CEACAM19: variants seen among roughly 807,000 people sequenced by gnomAD.
The protein encoded by CEACAM19 is CEA cell adhesion molecule 19.
In CEACAM19, 37 loss-of-function variants were observed where a neutral mutation model predicts 37.6. The observed-to-expected ratio is 0.98, with a 90% CI of 0.76 to 1.29. The LOEUF is 1.29. Among genes scored for constraint, CEACAM19 ranks in the 50% most tolerant of loss-of-function variants. The pLI is 0.00. For missense variants in CEACAM19, 340 were observed against 375.6 expected (o/e 0.91, Z 0.78); for synonymous variants, 140 against 149.8 (o/e 0.93, Z 0.48).
chr19:44,676,538 T>C, intron 3 of CEACAM19, 117 bp downstream of exon 3: 1 of 983,362 alleles, frequency 1.0e-6, no homozygotes, highest in South Asian at 1.5e-5. Context: ...ATCTTGGAAC[T>C]CCTGGGGTGA....
chr19:44,672,499 G>A (rs1973872753), intron 1 of CEACAM19, 97 bp from the exon 2 acceptor site: 1 of 1,285,096 alleles, frequency 7.8e-7, no homozygotes, highest in African/African-American at 1.5e-5. Context: ...AGCACTCAGA[G>A]TCCTTGCTCC....
At chr19:44,673,462 T>C (rs1973893314) in intron 2 of CEACAM19, among the ~76,000 whole-genome samples, 1 of 152,178 alleles carries the variant, frequency 6.6e-6, no homozygotes, top group South Asian at 2.1e-4. Context: ...ACTGATGTTT[T>C]GTATTGGCCA....
chr19:44,674,778 T>A (rs911336807), intron 2 of CEACAM19, among the ~76,000 whole-genome samples: 46 of 152,128 alleles, frequency 3.0e-4, no homozygotes, highest in Non-Finnish European at 5.6e-4. Context: ...TAGGCAAAAG[T>A]CAACTCAACA....
upstream of CEACAM19, among the ~76,000 whole-genome samples, chr19:44,668,964 C>T (rs1378513298): frequency 6.7e-6 from 1 of 148,842 alleles, no homozygotes; most frequent in Non-Finnish European, 1.5e-5. Flanking sequence ...GGATTACAGG[C>T]ATGCGCCACC....
At chr19:44,678,445 T>A (rs979574556) in intron 3 of CEACAM19, 1 of 156,846 alleles carries the variant, frequency 6.4e-6, no homozygotes, top group African/African-American at 2.4e-5. Context: ...TGTTTTGCTC[T>A]TGTCGCCCAG....
intron 1 of CEACAM19, 59 bp from the exon 2 acceptor site, chr19:44,672,537 G>A (rs530625977): frequency 2.9e-5 from 41 of 1,420,418 alleles, no homozygotes; most frequent in Non-Finnish European, 3.8e-5. Flanking sequence ...CTAGAGAGGA[G>A]CATGCCATGG....
At position 44,672,785 on chromosome 19, in the gene CEACAM19, C is replaced by T. The variant is rs1973879445; in HGVS notation, c.245C>T (p.Pro82Leu). The T allele has an allele frequency of 3.2e-6, 5 of 1,584,812 alleles. No individual in the cohort carries two copies. Among genetic ancestry groups the T allele is most frequent in the Non-Finnish European group, 4.3e-6 (5 of 1,164,948 alleles). Residue 82 changes from proline (P) to leucine (L), a missense_variant, in exon 2 of 8, where the codon CCT (proline) becomes CTT (leucine). Physicochemically the swap from Pro to Leu is moderately conservative, Grantham distance 98 (BLOSUM62 -3). Transcript: ENST00000358777. ...GGCACGAGGCTATTTACCTACATCC[C>T]TGGGATACAACGGCCTCAGAGGGAT... is the stretch of plus-strand genomic sequence containing the variant. ...YGGTRLFTYI[P>L]GIQRPQRDGS... is the part of the protein sequence containing the mutation.
intron 2 of CEACAM19, 64 bp downstream of exon 2, chr19:44,673,028 C>T: frequency 7.5e-7 from 1 of 1,339,688 alleles, no homozygotes. Flanking sequence ...TACCATGCAC[C>T]AGGTGCTGTG....
At position 44,682,617 on chromosome 19, in the gene CEACAM19, C is replaced by T. The variant is rs1368713787; in HGVS notation, c.843C>T (p.Tyr281=). ...HLQAEPENHQ[Y]QDLLNPDPAP... is the part of the protein sequence containing the mutation. ...AGGCGGAGCCAGAGAACCACCAGTA[C>T]CAGGTATGGAGCTGGGAGCTGGGAG... The change falls in exon 7 of 8, where the codon TAC becomes TAT. Residue 281 remains tyrosine (Y), a synonymous_variant. Coordinates refer to ENST00000358777, the MANE Select transcript of CEACAM19 (RefSeq NM_001127893.3). 1 of 1,602,880 alleles carries T rather than the reference C, an allele frequency of 6.2e-7. No homozygotes were observed. The highest frequency in any genetic ancestry group is 2.2e-5 in the East Asian group (1 of 44,458).
chr19:44,671,408 C>A (rs1973852587), upstream of CEACAM19: 1 of 367,220 alleles, frequency 2.7e-6, no homozygotes, highest in African/African-American at 2.1e-5. Context: ...GCGTGAGCCA[C>A]CGCACCCAGC....
chr19:44,668,635 CAT>C (rs1175150529), upstream of CEACAM19, among the ~76,000 whole-genome samples: 36 of 26,706 alleles, frequency 1.3e-3, no homozygotes, highest in Admixed American at 2.0e-3. Context: ...ATTATATACA[CAT>C]ATTATATATG....
chr19:44,680,407 C>A (rs911500717), intron 5 of CEACAM19, 73 bp downstream of exon 5: 4 of 1,356,758 alleles, frequency 2.9e-6, no homozygotes, highest in South Asian at 2.3e-5. Context: ...TAGCCACAAG[C>A]CCGCTTATTC....
chr19:44,675,971 A>G (rs992429172), intron 2 of CEACAM19, among the ~76,000 whole-genome samples: 1 of 151,676 alleles, frequency 6.6e-6, no homozygotes, highest in African/African-American at 2.4e-5. Flanking sequence ...GGGTCTCACT[A>G]TGTTGCCCAG....
chr19:44,673,942 T>C (rs1264822868), intron 2 of CEACAM19: 1 of 152,098 alleles, frequency 6.6e-6, no homozygotes, highest in Non-Finnish European at 1.5e-5. Context: ...TCCAAGATGA[T>C]GGTATTAAAA....
At chr19:44,669,576 C>T (rs1163693850), upstream of CEACAM19, among the ~76,000 whole-genome samples, 1 of 152,032 alleles carries the variant, frequency 6.6e-6, no homozygotes, top group Non-Finnish European at 1.5e-5. Flanking sequence ...GGCCCCACAC[C>T]CTCCTTCCTG....
chr19:44,678,701 GAGCCCAATTACTATTTTTTTACTC>G, intron 3 of CEACAM19, 128 bp from the exon 4 acceptor site: 1 of 1,106,778 alleles, frequency 9.0e-7, no homozygotes, highest in Middle Eastern at 2.8e-4. Flanking sequence ...ATGAGCCACT[GAGCCCAATTACTATTTTTTTACTC>G]AAAACCGCAC....
At chr19:44,676,717 G>A (rs186694335) in intron 3 of CEACAM19, among the ~76,000 whole-genome samples, 41 of 152,170 alleles carry the variant, frequency 2.7e-4, no homozygotes, top group African/African-American at 9.2e-4. Flanking sequence ...CAACTTCCCC[G>A]GACTCAGGTG....
At chr19:44,668,349 A>T (rs866512779), upstream of CEACAM19, among the ~76,000 whole-genome samples, 7 of 3,638 alleles carry the variant, frequency 1.9e-3, no homozygotes, top group South Asian at 0.016. Flanking sequence ...AATATATATA[A>T]TATATTTATA....
At chr19:44,668,141 A>T (rs1398824424), upstream of CEACAM19, among the ~76,000 whole-genome samples, 1 of 85,334 alleles carries the variant, frequency 1.2e-5, no homozygotes, top group Non-Finnish European at 2.0e-5. Context: ...TATATAATAT[A>T]TTATATATAT....
Sources: allele counts gnomAD v4.1 joint callset (sites outside exome capture counted in the v4.1 genomes callset), GRCh38; gene constraint gnomAD v4.1.1; transcripts MANE v1.5; gene names NCBI Gene and HGNC (gene_info 2026-07-23, HGNC 2026-07-21).